CPNE4: variants seen among roughly 807,000 people sequenced by gnomAD.
CPNE4 encodes copine 4.
In CPNE4, 25 loss-of-function variants were observed where a neutral mutation model predicts 67.9. The observed-to-expected ratio is 0.37, with a 90% confidence interval of 0.27 to 0.51. The LOEUF is 0.51. CPNE4 is among the 20% of genes least tolerant of loss of function. The probability of loss-of-function intolerance (pLI) is 0.93; values close to 1 mark genes in which losing one functional copy is unlikely to be tolerated. For missense variants in CPNE4, 464 were observed against 690.8 expected (o/e 0.67, Z 3.68); for synonymous variants, 242 against 244.9 (o/e 0.99, Z 0.11).
chr3:131,825,603 T>C (rs776523249), intron 2 of CPNE4, among the ~76,000 whole-genome samples: 5 of 151,156 alleles, frequency 3.3e-5, no homozygotes, highest in Admixed American at 2.6e-4. Flanking sequence ...GTTGGGTAAA[T>C]AGAAAAAGAG....
intron 14 of CPNE4, among the ~76,000 whole-genome samples, chr3:131,547,483 A>C (rs1377349333): frequency 6.3e-5 from 9 of 142,290 alleles, no homozygotes; most frequent in Non-Finnish European, 9.0e-5. Context: ...AAAAAAAAAA[A>C]AAAAAAAAAA....
chr3:131,938,525 G>A (rs2071292702), intron 1 of CPNE4, among the ~76,000 whole-genome samples: 1 of 152,002 alleles, frequency 6.6e-6, no homozygotes, highest in African/African-American at 2.4e-5. Flanking sequence ...AAACAAAAGA[G>A]GTTTAATTGA....
chr3:131,815,343 T>C (rs959116781), intron 2 of CPNE4, among the ~76,000 whole-genome samples: 10 of 152,280 alleles, frequency 6.6e-5, no homozygotes, highest in Admixed American at 4.6e-4. Flanking sequence ...TGGATAAGAA[T>C]TGAAAATGGG....
intron 1 of CPNE4, among the ~76,000 whole-genome samples, chr3:131,930,351 A>G (rs191658836): frequency 1.3e-5 from 2 of 152,264 alleles, no homozygotes; most frequent in Admixed American, 6.5e-5. Flanking sequence ...GATCAGTAAT[A>G]TAACCAGCTC....
intron 2 of CPNE4, among the ~76,000 whole-genome samples, chr3:131,901,902 C>G (rs2088569168): frequency 6.6e-6 from 1 of 152,062 alleles, no homozygotes; most frequent in African/African-American, 2.4e-5. Context: ...ACAGTGTGCT[C>G]TCAGGAGACT....
intron 7 of CPNE4, among the ~76,000 whole-genome samples, chr3:131,597,486 G>T (rs527568674): frequency 1.1e-4 from 17 of 152,164 alleles, no homozygotes; most frequent in African/African-American, 3.9e-4. Context: ...AATATCCAGG[G>T]TGTTGAAAAT....
At chr3:131,634,689 G>A (rs60472142) in intron 7 of CPNE4, among the ~76,000 whole-genome samples, 1,584 of 152,250 alleles carry the variant, frequency 0.01, 24 homozygotes, top group African/African-American at 0.035. Flanking sequence ...GAAAGGAGAT[G>A]AGAGGATAAG....
intron 2 of CPNE4, among the ~76,000 whole-genome samples, chr3:131,835,298 G>A (rs1170713179): frequency 1.3e-5 from 2 of 152,200 alleles, no homozygotes; most frequent in African/African-American, 4.8e-5. Context: ...GAAGGCCAAG[G>A]TGGGCAGATC....
At chr3:131,695,759 A>G (rs1382482141) in intron 5 of CPNE4, among the ~76,000 whole-genome samples, 2 of 152,174 alleles carry the variant, frequency 1.3e-5, no homozygotes, top group African/African-American at 4.8e-5. Flanking sequence ...GTTTCATATA[A>G]TCTATTCAAG....
intron 3 of CPNE4, among the ~76,000 whole-genome samples, chr3:131,715,412 A>C (rs2081658471): frequency 6.6e-6 from 1 of 152,222 alleles, no homozygotes; most frequent in Non-Finnish European, 1.5e-5. Flanking sequence ...CATAGATGCT[A>C]CTTGATCATT....
intron 2 of CPNE4, among the ~76,000 whole-genome samples, chr3:131,760,151 T>C (rs2107811875): frequency 1.3e-5 from 2 of 152,346 alleles, no homozygotes; most frequent in East Asian, 1.9e-4. Flanking sequence ...AATGCCATCA[T>C]AGCTGTAATT....
chr3:131,961,186 A>C (rs72992872), intron 1 of CPNE4, among the ~76,000 whole-genome samples: 7,670 of 152,280 alleles, frequency 0.05, 589 homozygotes, highest in African/African-American at 0.17. Flanking sequence ...AAGAAACAGA[A>C]AACAATTTTA....
intron 2 of CPNE4, among the ~76,000 whole-genome samples, chr3:131,785,233 G>A (rs1023482007): frequency 6.6e-6 from 1 of 152,110 alleles, no homozygotes; most frequent in South Asian, 2.1e-4. Context: ...GGGAGATTAA[G>A]TAATTTAACT....
intron 1 of CPNE4, among the ~76,000 whole-genome samples, chr3:131,959,454 A>T (rs2072101230): frequency 6.6e-6 from 1 of 152,148 alleles, no homozygotes; most frequent in Non-Finnish European, 1.5e-5. Flanking sequence ...GTACTTTCAG[A>T]AAAGATTATC....
intron 3 of CPNE4, among the ~76,000 whole-genome samples, chr3:131,709,241 C>T (rs1326169511): frequency 2.0e-5 from 3 of 151,816 alleles, no homozygotes; most frequent in Admixed American, 1.3e-4. Flanking sequence ...ACAATAAAGC[C>T]ATTTCCTACA....
At chr3:132,016,085 G>A (rs2073883742) in intron 1 of CPNE4, among the ~76,000 whole-genome samples, 1 of 152,194 alleles carries the variant, frequency 6.6e-6, no homozygotes, top group Non-Finnish European at 1.5e-5. Context: ...ATTGGACCAT[G>A]TAAAAGACAA....
intron 3 of CPNE4, among the ~76,000 whole-genome samples, chr3:131,717,874 TTTTCTTTCTTTCTTTC>T (rs71136405): frequency 1.0e-4 from 10 of 97,028 alleles, no homozygotes; most frequent in African/African-American, 2.9e-4. Flanking sequence ...TCTTTCTTTC[TTTTCTTTCTTTCTTTC>T]TTTCTTTCTT....
chr3:131,564,109 A>G, intron 11 of CPNE4, 107 bp downstream of exon 11: 1 of 1,330,310 alleles, frequency 7.5e-7, no homozygotes. Flanking sequence ...AAGTCACTAC[A>G]TAAGGAGCTA....
intron 1 of CPNE4, among the ~76,000 whole-genome samples, chr3:131,923,961 C>T (rs2070819945): frequency 6.6e-6 from 1 of 151,998 alleles, no homozygotes; most frequent in Admixed American, 6.6e-5. Context: ...TTCTCTGAAT[C>T]CAAAAGACCA....
Sources: allele counts gnomAD v4.1 joint callset (sites outside exome capture counted in the v4.1 genomes callset), GRCh38; gene constraint gnomAD v4.1.1; transcripts MANE v1.5; gene names NCBI Gene and HGNC (gene_info 2026-07-23, HGNC 2026-07-21).